Variants in SLC9A3 observed in about 807,000 individuals in gnomAD.
The protein encoded by SLC9A3 is solute carrier family 9 member A3.
A neutral mutation model predicts 86.8 loss-of-function variants in SLC9A3; 37 were observed. The observed-to-expected ratio is 0.43, with a 90% CI of 0.33 to 0.56. The LOEUF (loss-of-function observed/expected upper bound fraction) is 0.56. Among genes scored for constraint, SLC9A3 ranks in the 20% least tolerant of loss-of-function variants. The probability of loss-of-function intolerance (pLI) is 0.06; values close to 1 mark genes in which losing one functional copy is unlikely to be tolerated. For missense variants in SLC9A3, 1,011 were observed against 1,171.9 expected, an observed-to-expected ratio of 0.86 and a Z score of 2.00; for synonymous variants, 581 against 528.3, an observed-to-expected ratio of 1.10 and a Z score of -1.37.
At position 470,492 on chromosome 5, in the gene SLC9A3, CAA is replaced by C. The variant is rs971120359; in HGVS notation, c.*2885_*2886del. 2 of 152,374 alleles carry C rather than the reference CAA, an allele frequency of 1.3e-5. No individual in the cohort carries two copies. Among genetic ancestry groups the C allele is most frequent in the Non-Finnish European group, 2.9e-5 (2 of 68,034 alleles). 9.4% of individuals were successfully genotyped at this position (152,374 alleles called of 1,614,324 possible). On this transcript the variant is annotated 3_prime_UTR_variant, in exon 17 of 17. Coordinates refer to ENST00000264938, the MANE Select transcript of SLC9A3 (RefSeq NM_004174.4). ...TAGGTGGATATTTCTCTTTTATAAA[CAA>C]AGTTTGCACCCAAAATGCCTTGAAA...
At chr5:515,622 C>G (rs1425403287) in intron 1 of SLC9A3, among the ~76,000 whole-genome samples, 1 of 151,848 alleles carries the variant, frequency 6.6e-6, no homozygotes, top group African/African-American at 2.4e-5. Context: ...TGCTTATCCT[C>G]CACAGGGTCC....
chr5:513,745 C>A lies in SLC9A3; in HGVS notation c.211+10367G>T, dbSNP rs550260505. The stretch of plus-strand genomic sequence containing the variant: ...CCCCGGGCCACCCTCGCCTTCTCCC[C>A]CTGTGATGGTACACAGTAAGAATGA... On this transcript the variant is annotated intron_variant, in intron 1 of 16. Coordinates refer to ENST00000264938, the MANE Select transcript of SLC9A3 (RefSeq NM_004174.4). 2.0e-5 allele frequency among the ~76,000 whole-genome samples: 3 copies of A among 152,328 alleles called. No individual in the cohort carries two copies. The East Asian group carries it at 5.8e-4, about 29-fold the overall frequency.
rs573452526 is a variant in SLC9A3, at chr5:472,572, C to T, written c.*807G>A. On this transcript the variant is annotated 3_prime_UTR_variant, in exon 17 of 17. Transcript: ENST00000264938. ...CGTGTCCGGGGCCGCCACCCTGAGA[C>T]CGGGCGCGGGCAGGACGGAACCTGG... is the stretch of plus-strand genomic sequence containing the variant. The T allele has an allele frequency of 1.5e-4, 52 of 356,700 alleles. No homozygotes were observed. The East Asian group carries it at 4.2e-3, about 29-fold the overall frequency. The allele number at this position is 356,700 out of a possible 1,614,324, so 22.1% of individuals were successfully genotyped here.
chr5:476,405 G>A (rs1359887605), intron 12 of SLC9A3, 27 bp from the exon 13 acceptor site: 1 of 1,612,190 alleles, frequency 6.2e-7, no homozygotes, highest in South Asian at 1.1e-5. Context: ...GGAGGTCACA[G>A]CTGTGCCCAC....
At chr5:518,665 A>G (rs1035579905) in intron 1 of SLC9A3, among the ~76,000 whole-genome samples, 2 of 152,136 alleles carry the variant, frequency 1.3e-5, no homozygotes, top group African/African-American at 4.8e-5. Flanking sequence ...TGGCTCCTGG[A>G]GAAGCCGGCA....
rs150002976 is a variant in SLC9A3, at chr5:471,974, T to C, written c.*1405A>G. The C allele has an allele frequency of 1.8e-5, 8 of 456,596 alleles. No individual in the cohort carries two copies. Among genetic ancestry groups the C allele is most frequent in the African/African-American group, 1.2e-4 (6 of 50,186 alleles). The allele number at this position is 456,596 out of a possible 1,614,324, so 28.3% of individuals were successfully genotyped here. ...GACTGTCAACACTTGATCTGAAACG[T>C]GAATAGTTTAATTTTCCTGAGCAAG... On this transcript the variant is annotated 3_prime_UTR_variant, in exon 17 of 17. Coordinates refer to ENST00000264938, the MANE Select transcript of SLC9A3 (RefSeq NM_004174.4).
rs1025979837 is a variant in SLC9A3 at position 472,474 on chromosome 5, G to C, written c.*905C>G. The C allele has an allele frequency of 6.0e-6, 2 of 335,636 alleles. No individual in the cohort carries two copies. Among genetic ancestry groups the C allele is most frequent in the African/African-American group, 2.3e-5 (1 of 44,102 alleles). The allele number at this position is 335,636 out of a possible 1,614,324, so 20.8% of individuals were successfully genotyped here. ...CGCCCGCCAGGCCACCTCTCACCCAGCCAGGGCACCCCGGGCGACCTCCGC... is the reference window on the plus strand; with the variant it reads ...CGCCCGCCAGGCCACCTCTCACCCACCCAGGGCACCCCGGGCGACCTCCGC... On this transcript the variant is annotated 3_prime_UTR_variant, in exon 17 of 17. Transcript: ENST00000264938.
intron 14 of SLC9A3, 136 bp downstream of exon 14, chr5:475,884 C>A (rs1738694870): frequency 2.5e-6 from 2 of 812,606 alleles, no homozygotes; most frequent in Middle Eastern, 3.6e-4. Context: ...GGGCCCTGAC[C>A]ATGCCTCCCC....
Position 497,328 on chromosome 5 carries a change from C to T in SLC9A3, c.212-5257G>A, listed in dbSNP as rs1740069754. Among the ~76,000 whole-genome samples, 1 of 152,202 alleles carries T rather than the reference C, an allele frequency of 6.6e-6. No individual in the cohort carries two copies. Among genetic ancestry groups the T allele is most frequent in the African/African-American group, 2.4e-5 (1 of 41,444 alleles). On this transcript the variant is annotated intron_variant, in intron 1 of 16. Transcript: ENST00000264938. The surrounding 1 kb of genome is among the most constrained non-coding windows in gnomAD (Gnocchi z 5.4). ...TCCAGGTGCAGGAGTCGACGCCCCCCACTGCCCTCGAAACCTGGTTTCTCT... is the reference window on the plus strand; with the variant it reads ...TCCAGGTGCAGGAGTCGACGCCCCCTACTGCCCTCGAAACCTGGTTTCTCT...
chr5:474,778 GA>G lies in SLC9A3; in HGVS notation c.2501+104del. On this transcript the variant is annotated intron_variant, in intron 16 of 16. Transcript: ENST00000264938. Reference sequence around the variant, plus strand: ...GACCTGGAGGGAGAGGAGCTGCGGAGAGGGGTTAGGCGGGGAGGGAGAGAGA... The same window carrying G: ...GACCTGGAGGGAGAGGAGCTGCGGAGGGGGTTAGGCGGGGAGGGAGAGAGA... 2 of 50,098 alleles carry G rather than the reference GA, an allele frequency of 4.0e-5. 1 individual carries two copies. Among genetic ancestry groups the G allele is most frequent in the Non-Finnish European group, 7.3e-5 (2 of 27,494 alleles). 3.1% of individuals were successfully genotyped at this position (50,098 alleles called of 1,614,324 possible). A position where few individuals can be genotyped will look rare whatever the true frequency, so the allele number is the denominator to read the frequency against.
chr5:519,149 G>C (rs1298360956), intron 1 of SLC9A3, among the ~76,000 whole-genome samples: 1 of 152,114 alleles, frequency 6.6e-6, no homozygotes, highest in Non-Finnish European at 1.5e-5. Flanking sequence ...CAGGCCTCCC[G>C]TGATGGCTCC....
chr5:491,594 C>T lies in SLC9A3; in HGVS notation c.514+175G>A, dbSNP rs571357062. Among the ~76,000 whole-genome samples the T allele has an allele frequency of 5.9e-5, 9 of 152,196 alleles. No homozygotes were observed. The highest frequency in any genetic ancestry group is 2.1e-4 in the South Asian group (1 of 4,828). On this transcript the variant is annotated intron_variant, in intron 2 of 16. Coordinates refer to ENST00000264938, the MANE Select transcript of SLC9A3 (RefSeq NM_004174.4). This position sits in a 1 kb window ranked among gnomAD's most constrained non-coding sequence, Gnocchi z 9.2. ...GAACACGTGCTGGGACCTGGGGACGCGCAGGGGACTGGCCTTGGTCACGAG... is the reference window on the plus strand; with the variant it reads ...GAACACGTGCTGGGACCTGGGGACGTGCAGGGGACTGGCCTTGGTCACGAG...
chr5:517,496 ACTCATCCATCCAGCTAT>A (rs1733765040), intron 1 of SLC9A3, among the ~76,000 whole-genome samples: 1 of 149,492 alleles, frequency 6.7e-6, no homozygotes, highest in African/African-American at 2.5e-5. Flanking sequence ...CCATCAGTCC[ACTCATCCATCCAGCTAT>A]CCATTCACTC....
At chr5:494,606 A>G (rs1187505786) in intron 1 of SLC9A3, among the ~76,000 whole-genome samples, 1 of 151,920 alleles carries the variant, frequency 6.6e-6, no homozygotes, top group African/African-American at 2.4e-5. Flanking sequence ...GGAGTTTACC[A>G]CTTCCTTCCT....
At position 497,708 on chromosome 5, in the gene SLC9A3, CCT is replaced by C. The variant is rs1441090831; in HGVS notation, c.212-5639_212-5638del. Among the ~76,000 whole-genome samples the C allele has an allele frequency of 1.8e-5, 2 of 110,888 alleles. No individual in the cohort carries two copies. The highest frequency in any genetic ancestry group is 7.2e-5 in the African/African-American group (2 of 27,588). 72.7% of individuals were successfully genotyped at this position (110,888 alleles called of 152,430 possible). On this transcript the variant is annotated intron_variant, in intron 1 of 16. Transcript: ENST00000264938. This position sits in a 1 kb window ranked among gnomAD's most constrained non-coding sequence, Gnocchi z 5.4. ...CCCTGGGAGTGAAGCCTCATCTGCC[CCT>C]GTCCTGGGTGGGGTCGCCCGGCCGC...
intron 5 of SLC9A3, 95 bp from the exon 6 acceptor site, chr5:483,577 C>T (rs1484878160): frequency 4.6e-6 from 4 of 871,534 alleles, no homozygotes; most frequent in African/African-American, 1.7e-5. Flanking sequence ...CGCCTGTAGG[C>T]CCAGAGTCAC....
intron 1 of SLC9A3, among the ~76,000 whole-genome samples, chr5:516,958 G>A (rs963184672): frequency 2.6e-5 from 4 of 152,172 alleles, no homozygotes; most frequent in African/African-American, 9.7e-5. Context: ...GGTTTTGGAT[G>A]AAGCTTACAC....
chr5:502,152 C>T (rs926638470), intron 1 of SLC9A3, among the ~76,000 whole-genome samples: 4 of 152,266 alleles, frequency 2.6e-5, no homozygotes, highest in Admixed American at 6.5e-5. Context: ...GGAGATCCTT[C>T]GACTCCAAAC....
At chr5:490,834 C>T (rs1739699885) in intron 2 of SLC9A3, among the ~76,000 whole-genome samples, 1 of 152,192 alleles carries the variant, frequency 6.6e-6, no homozygotes, top group African/African-American at 2.4e-5. Context: ...CGGCAGCTTT[C>T]CCTGGGCTGC....
Sources: gnomAD v4.1 joint callset for allele counts (sites outside exome capture counted in the v4.1 genomes callset) on GRCh38, gnomAD v4.1.1 for gene constraint, Gnocchi (gnomAD v3.1) non-coding constraint, MANE v1.5 for transcripts, NCBI Gene and HGNC (gene_info 2026-07-23, HGNC 2026-07-21) for gene names.